ACSBG2: variants seen among roughly 807,000 people sequenced by gnomAD.
The protein encoded by ACSBG2 is long-chain-fatty-acid--CoA ligase ACSBG2.
ACSBG2 carries 62 observed loss-of-function variants against 74.7 expected under a neutral mutation model. The observed-to-expected ratio is 0.83, with a 90% CI of 0.68 to 1.03. The LOEUF (loss-of-function observed/expected upper bound fraction) is 1.03. ACSBG2 is among the 50% of genes least tolerant of loss of function. The probability of loss-of-function intolerance (pLI) is 0.00; values close to 1 mark genes in which losing one functional copy is unlikely to be tolerated. For missense variants in ACSBG2, 730 were observed against 817.6 expected, an observed-to-expected ratio of 0.89 and a Z score of 1.31; for synonymous variants, 309 against 294.1, an observed-to-expected ratio of 1.05 and a Z score of -0.52.
rs920905573 is a variant in ACSBG2, at chr19:6,141,420, C to T, written c.-31-93C>T. ...GGCATGACCAATGGATCCTAGGATT[C>T]TAGGCAGACATGACCAGTGGATGGA... On this transcript the variant is annotated intron_variant, in intron 1 of 14. Coordinates refer to ENST00000588485, the MANE Select transcript of ACSBG2 (RefSeq NM_030924.5). The T allele has an allele frequency of 4.4e-6, 3 of 687,066 alleles. No individual in the cohort carries two copies. The African/African-American group carries it at 5.3e-5, about 12-fold the overall frequency. 42.6% of individuals were successfully genotyped at this position (687,066 alleles called of 1,614,324 possible). A position where few individuals can be genotyped will look rare whatever the true frequency, so the allele number is the denominator to read the frequency against.
intron 8 of ACSBG2, among the ~76,000 whole-genome samples, chr19:6,179,192 T>C (rs1378808950): frequency 6.6e-6 from 1 of 152,208 alleles, no homozygotes; most frequent in Non-Finnish European, 1.5e-5. Context: ...TCTGGGGTCT[T>C]TGCCTTCTTT....
chr19:6,159,158 A>G (rs77247151), intron 5 of ACSBG2, among the ~76,000 whole-genome samples: 11,052 of 152,162 alleles, frequency 0.073, 736 homozygotes, highest in African/African-American at 0.18. Flanking sequence ...GGATTTCGCC[A>G]TGTTAGCCAG....
At chr19:6,190,073 T>C (rs981332274) in intron 13 of ACSBG2, 2 of 151,036 alleles carry the variant, frequency 1.3e-5, no homozygotes, top group African/African-American at 5.6e-5. Flanking sequence ...GGTCTTCTCA[T>C]CTATAAGTTG....
chr19:6,182,939 G>A lies in ACSBG2; in HGVS notation c.1088+7G>A, dbSNP rs199630235. 112 of 1,613,948 alleles carry A rather than the reference G, an allele frequency of 6.9e-5. No homozygotes were observed. Among genetic ancestry groups the A allele is most frequent in the Non-Finnish European group, 9.5e-5 (112 of 1,179,886 alleles). On this transcript the variant is annotated splice_region_variant and intron_variant, in intron 9 of 14. Transcript: ENST00000588485. ...ACTCAAAAAAGATGTTGGGGTAGGT[G>A]GAGCATCCAGAGGGCTGGGAGGGTA...
At chr19:6,186,361 ATG>A (rs2090408639) in intron 11 of ACSBG2, among the ~76,000 whole-genome samples, 1 of 152,228 alleles carries the variant, frequency 6.6e-6, no homozygotes, top group African/African-American at 2.4e-5. Context: ...CATAATTTTT[ATG>A]TGTCAAAAAA....
chr19:6,150,842 C>G (rs4807838), intron 3 of ACSBG2, among the ~76,000 whole-genome samples: 99,416 of 151,898 alleles, frequency 0.65, 33,286 homozygotes, highest in Admixed American at 0.72. Flanking sequence ...AAACGGGCTG[C>G]GTGTGGTGGA....
intron 1 of ACSBG2, among the ~76,000 whole-genome samples, chr19:6,138,937 C>T (rs906439470): frequency 3.9e-5 from 6 of 152,058 alleles, no homozygotes; most frequent in African/African-American, 7.2e-5. Context: ...CTTCTTGGGC[C>T]GCACACTCCG....
At chr19:6,166,331 T>TGTGTGTGTGTGTGTGTGTGTGTGTGTGTG (rs71172794) in intron 7 of ACSBG2, among the ~76,000 whole-genome samples, 19 of 139,812 alleles carry the variant, frequency 1.4e-4, no homozygotes, top group African/African-American at 3.9e-4. Flanking sequence ...TGTGTGTGTG[T>TGTGTGTGTGTGTGTGTGTGTGTGTGTGTG]TTTGAGATGG....
intron 11 of ACSBG2, among the ~76,000 whole-genome samples, chr19:6,185,878 G>T (rs999501964): frequency 6.6e-6 from 1 of 152,132 alleles, no homozygotes; most frequent in Admixed American, 6.5e-5. Flanking sequence ...GGATGGACCT[G>T]CAAAAGACAA....
At chr19:6,163,618 G>A (rs1232317083) in intron 6 of ACSBG2, among the ~76,000 whole-genome samples, 4 of 151,802 alleles carry the variant, frequency 2.6e-5, no homozygotes, top group Admixed American at 2.6e-4. Flanking sequence ...GCACGCACCT[G>A]TAGTCTCAGC....
chr19:6,185,299 CCTT>C, intron 10 of ACSBG2, 134 bp from the exon 11 acceptor site: 3 of 810,402 alleles, frequency 3.7e-6, no homozygotes, highest in Non-Finnish European at 6.1e-6. Flanking sequence ...GCAAACACCT[CCTT>C]CTGTGCGCTG....
At chr19:6,163,732 G>C (rs1251249070) in intron 6 of ACSBG2, among the ~76,000 whole-genome samples, 1 of 148,868 alleles carries the variant, frequency 6.7e-6, no homozygotes, top group Non-Finnish European at 1.5e-5. Context: ...TCCAGCCTGG[G>C]CGACAGAGCA....
chr19:6,168,165 C>A (rs564005033), intron 7 of ACSBG2, among the ~76,000 whole-genome samples: 1 of 152,222 alleles, frequency 6.6e-6, no homozygotes, highest in East Asian at 1.9e-4. Context: ...CTCCTCTCCT[C>A]CCTCTCTCCC....
intron 5 of ACSBG2, among the ~76,000 whole-genome samples, chr19:6,158,810 T>C (rs1218635527): frequency 6.6e-6 from 1 of 152,242 alleles, no homozygotes; most frequent in African/African-American, 2.4e-5. Flanking sequence ...AAATCCTAGC[T>C]AGACTCAGTG....
intron 8 of ACSBG2, among the ~76,000 whole-genome samples, chr19:6,178,084 C>A (rs1455574969): frequency 1.3e-5 from 2 of 151,836 alleles, no homozygotes; most frequent in African/African-American, 2.4e-5. Flanking sequence ...TGACTTATAC[C>A]CTTTAAGTAT....
intron 7 of ACSBG2, among the ~76,000 whole-genome samples, chr19:6,170,381 T>C (rs1001274281): frequency 3.9e-5 from 6 of 152,186 alleles, no homozygotes; most frequent in African/African-American, 1.2e-4. Context: ...ATGAATCACA[T>C]TTATTGATTT....
In ACSBG2 at chr19:6,177,349, A is replaced by T. The variant is rs145365088; in HGVS notation, c.859A>T (p.Ile287Leu). Residue 287 changes from isoleucine (I) to leucine (L), a missense_variant, in exon 8 of 15, where the codon ATA becomes TTA. Coordinates refer to ENST00000588485, the MANE Select transcript of ACSBG2 (RefSeq NM_030924.5). The part of the protein sequence containing the change: ...AAQMMDIWVP[I>L]KIGALTYFAQ... The stretch of plus-strand genomic sequence containing the variant: ...ACAGATGATGGACATCTGGGTACCC[A>T]TAAAGATTGGGGCGCTCACATACTT... The T allele has an allele frequency of 7.4e-6, 12 of 1,612,022 alleles. No homozygotes were observed. The African/African-American group carries it at 1.6e-4, about 22-fold the overall frequency.
At chr19:6,150,096 A>G (rs927950367) in intron 3 of ACSBG2, among the ~76,000 whole-genome samples, 9 of 151,676 alleles carry the variant, frequency 5.9e-5, no homozygotes, top group Admixed American at 1.3e-4. Flanking sequence ...GAGACAAAAA[A>G]TAATAATAAT....
intron 8 of ACSBG2, among the ~76,000 whole-genome samples, chr19:6,181,430 G>A (rs1208972867): frequency 6.6e-6 from 1 of 152,108 alleles, no homozygotes; most frequent in African/African-American, 2.4e-5. Flanking sequence ...TCATTGTTGA[G>A]TGTTAAGGGT....
Sources: allele counts gnomAD v4.1 joint callset (sites outside exome capture counted in the v4.1 genomes callset), GRCh38; gene constraint gnomAD v4.1.1; transcripts MANE v1.5; gene names NCBI Gene and HGNC (gene_info 2026-07-23, HGNC 2026-07-21).